The following GIGYF2 variants were observed in gnomAD, a reference collection of about 807,000 sequenced individuals.
GIGYF2 encodes GRB10-interacting GYF protein 2.
Under a neutral mutation model 208.1 loss-of-function variants are expected in GIGYF2, and 25 were observed. The observed-to-expected ratio is 0.12, with a 90% CI of 0.09 to 0.17. GIGYF2 has a LOEUF of 0.17. GIGYF2 is among the 10% of genes least tolerant of loss of function. The probability of loss-of-function intolerance (pLI) is 1.00; values close to 1 mark genes in which losing one functional copy is unlikely to be tolerated. For missense variants in GIGYF2, 1,302 were observed against 1,579.4 expected, an observed-to-expected ratio of 0.82 and a Z score of 2.98; for synonymous variants, 534 against 543.8, an observed-to-expected ratio of 0.98 and a Z score of 0.25.
At position 232,791,455 on chromosome 2, in the gene GIGYF2, T is replaced by G; in HGVS notation, c.1282+9T>G. 1 of 1,610,908 alleles carries G rather than the reference T, an allele frequency of 6.2e-7. No homozygotes were observed. Among genetic ancestry groups the G allele is most frequent in the Non-Finnish European group, 8.5e-7 (1 of 1,177,920 alleles). On this transcript the variant is annotated intron_variant, in intron 12 of 28. Transcript: ENST00000373563. ...GCCCAGCAGAGGGGATGGTATGTAT[T>G]TGTGGGAATAGACAAGCTAAAATAG...
intron 15 of GIGYF2, among the ~76,000 whole-genome samples, chr2:232,809,361 T>C (rs1423643140): frequency 6.6e-6 from 1 of 152,242 alleles, no homozygotes; most frequent in African/African-American, 2.4e-5. Flanking sequence ...TTTTCTGTGT[T>C]ATATCCAGTT....
intron 14 of GIGYF2, among the ~76,000 whole-genome samples, chr2:232,801,211 A>G (rs1011179507): frequency 6.6e-6 from 1 of 152,102 alleles, no homozygotes; most frequent in African/African-American, 2.4e-5. Flanking sequence ...TGGCCAAAAA[A>G]TTTTATTAAT....
chr2:232,850,012 A>T (rs1690251306), intron 27 of GIGYF2, among the ~76,000 whole-genome samples: 1 of 152,184 alleles, frequency 6.6e-6, no homozygotes, highest in Non-Finnish European at 1.5e-5. Flanking sequence ...AGCAGGGTGG[A>T]AACCCAGAGT....
intron 8 of GIGYF2, chr2:232,768,235 T>G: frequency 6.2e-7 from 1 of 1,614,002 alleles, no homozygotes; most frequent in South Asian, 1.1e-5. Flanking sequence ...TTGTCAATGC[T>G]TTGTCCATTG....
At chr2:232,799,398 A>G (rs1479480867) in intron 14 of GIGYF2, among the ~76,000 whole-genome samples, 1 of 151,546 alleles carries the variant, frequency 6.6e-6, no homozygotes, top group Admixed American at 6.6e-5. Flanking sequence ...AAAATAAAAA[A>G]TTAGCTGGGT....
intron 2 of GIGYF2, among the ~76,000 whole-genome samples, chr2:232,725,858 G>T (rs1378569324): frequency 6.6e-6 from 1 of 152,132 alleles, no homozygotes; most frequent in African/African-American, 2.4e-5. Flanking sequence ...TTGGATCAAA[G>T]AAAATATTTC....
chr2:232,754,385 G>C (rs1296795906), intron 5 of GIGYF2, among the ~76,000 whole-genome samples: 1 of 152,138 alleles, frequency 6.6e-6, no homozygotes, highest in African/African-American at 2.4e-5. Flanking sequence ...TGTCAAAGGG[G>C]ATGGGCATTT....
rs1359162329 is a variant in GIGYF2 at position 232,828,173 on chromosome 2, CAT to C, written c.2530-4682_2530-4681del. On this transcript the variant is annotated intron_variant, in intron 21 of 28. Transcript: ENST00000373563. The stretch of plus-strand genomic sequence containing the variant: ...CCTGGTTAATTTTTGTTTTTGAAGA[CAT>C]AGGGTTTCGCCATGTTGCCCAGTCT... Among the ~76,000 whole-genome samples the C allele has an allele frequency of 5.3e-5, 8 of 152,078 alleles. No homozygotes were observed. The South Asian group carries it at 1.5e-3, about 28-fold the overall frequency.
Position 232,806,279 on chromosome 2 carries a change from GATA to G in GIGYF2, c.1640-209_1640-207del, listed in dbSNP as rs936590102. On this transcript the variant is annotated intron_variant, in intron 14 of 28. Coordinates refer to ENST00000373563, the MANE Select transcript of GIGYF2 (RefSeq NM_001103146.3). The surrounding 1 kb of genome is among the most constrained non-coding windows in gnomAD (Gnocchi z 4.0). Reference sequence around the variant, plus strand: ...TGCTCCTTATAATTGAAGTGCTGCTGATAATTTGGGATGTATAAACACAGACTT... The same window carrying G: ...TGCTCCTTATAATTGAAGTGCTGCTGATTTGGGATGTATAAACACAGACTT... 3.3e-5 allele frequency among the ~76,000 whole-genome samples: 5 copies of G among 152,194 alleles called. No homozygotes were observed. The highest frequency in any genetic ancestry group is 1.2e-4 in the African/African-American group (5 of 41,446).
At chr2:232,713,955 T>TC (rs1491159818) in intron 2 of GIGYF2, among the ~76,000 whole-genome samples, 680 of 17,126 alleles carry the variant, frequency 0.04, 2 homozygotes, top group South Asian at 0.17. Context: ...TTTTTTTCTC[T>TC]TTTTTTTTTT....
chr2:232,771,098 G>A (rs1487693818), intron 8 of GIGYF2: 3 of 1,613,940 alleles, frequency 1.9e-6, no homozygotes, highest in Non-Finnish European at 2.5e-6. Context: ...GGGGCATCAT[G>A]ATCTAGTTCC....
intron 6 of GIGYF2, 151 bp from the exon 7 acceptor site, chr2:232,760,329 C>T: frequency 1.5e-6 from 1 of 654,100 alleles, no homozygotes; most frequent in Non-Finnish European, 2.8e-6. Context: ...TTGTTGGTCT[C>T]ATAAGTCAAG....
intron 2 of GIGYF2, among the ~76,000 whole-genome samples, chr2:232,711,020 G>C (rs184341271): frequency 6.6e-6 from 1 of 151,630 alleles, no homozygotes; most frequent in East Asian, 1.9e-4. Flanking sequence ...TGTTCTTATT[G>C]TCAGTGATAT....
chr2:232,727,894 A>T (rs1158056958), intron 2 of GIGYF2, among the ~76,000 whole-genome samples: 1 of 152,168 alleles, frequency 6.6e-6, no homozygotes, highest in East Asian at 1.9e-4. Context: ...CATCCTCGTT[A>T]TCTGTCTCCC....
chr2:232,856,098 TG>T (rs1194326876), intron 28 of GIGYF2, among the ~76,000 whole-genome samples: 1 of 151,918 alleles, frequency 6.6e-6, no homozygotes, highest in Non-Finnish European at 1.5e-5. Context: ...ACCTAGCTAA[TG>T]TTTTTTTGTA....
chr2:232,833,903 A>G (rs992902568), intron 22 of GIGYF2, among the ~76,000 whole-genome samples: 2 of 151,170 alleles, frequency 1.3e-5, no homozygotes, highest in Non-Finnish European at 2.9e-5. Context: ...TTTAATAAGG[A>G]GAAAGTAAAT....
In GIGYF2 at chr2:232,771,288, G is replaced by T. The variant is rs1699235615; in HGVS notation, c.532+9852G>T. 5 of 1,609,794 alleles carry T rather than the reference G, an allele frequency of 3.1e-6. No homozygotes were observed. Among genetic ancestry groups the T allele is most frequent in the Non-Finnish European group, 4.2e-6 (5 of 1,177,692 alleles). On this transcript the variant is annotated intron_variant, in intron 8 of 28. Transcript: ENST00000373563. ...CGCCATCCATTTGAAGTGTGCTGTG[G>T]CCATCCTTGGTGACCATCCTCCGGT...
At chr2:232,698,050 A>C (rs554542375) in intron 1 of GIGYF2, among the ~76,000 whole-genome samples, 1 of 152,182 alleles carries the variant, frequency 6.6e-6, no homozygotes, top group Admixed American at 6.5e-5. Flanking sequence ...TGGGGACCCA[A>C]ATGTTCACAT....
intron 12 of GIGYF2, among the ~76,000 whole-genome samples, chr2:232,792,563 G>A (rs879662785): frequency 4.6e-5 from 7 of 151,978 alleles, no homozygotes; most frequent in Admixed American, 1.3e-4. Flanking sequence ...CATAGCAATA[G>A]CAAGACCCCT....
Sources: allele counts gnomAD v4.1 joint callset (sites outside exome capture counted in the v4.1 genomes callset), GRCh38; gene constraint gnomAD v4.1.1; non-coding constraint Gnocchi (gnomAD v3.1); transcripts MANE v1.5; gene names NCBI Gene and HGNC (gene_info 2026-07-23, HGNC 2026-07-21).